The following BRINP1 variants were observed in gnomAD, a reference collection of about 807,000 sequenced individuals.
The protein encoded by BRINP1 is BMP/retinoic acid-inducible neural-specific protein 1.
A neutral mutation model predicts 72.9 loss-of-function variants in BRINP1; 17 were observed. The ratio of observed to expected loss-of-function variants is 0.23; its 90% CI spans 0.16 to 0.35. BRINP1 has a LOEUF of 0.35. BRINP1 is among the 10% of genes least tolerant of loss of function. The pLI is 1.00. For missense variants in BRINP1, 850 were observed against 1,001.6 expected (o/e 0.85, Z 2.04); for synonymous variants, 418 against 378.5 (o/e 1.10, Z -1.21).
In BRINP1 at chr9:119,339,201, T is replaced by G. The variant is rs189904882; in HGVS notation, c.-50-25796A>C. ...TATCTCAATTACTCAGCTCTATCAC[T>G]GTAGCCAGAAAGTAGCCATGGACAA... is the stretch of plus-strand genomic sequence containing the variant. On this transcript the variant is annotated intron_variant, in intron 1 of 7. Coordinates refer to ENST00000265922, the MANE Select transcript of BRINP1 (RefSeq NM_014618.3). Among the ~76,000 whole-genome samples the G allele has an allele frequency of 3.0e-3, 451 of 152,334 alleles. 3 individuals are homozygous for G. Among genetic ancestry groups the G allele is most frequent in the African/African-American group, 0.01 (427 of 41,568 alleles).
chr9:119,330,553 T>C lies in BRINP1; in HGVS notation c.-50-17148A>G, dbSNP rs186842639. Among the ~76,000 whole-genome samples the C allele has an allele frequency of 1.2e-3, 185 of 152,342 alleles. 1 individual carries two copies. The highest frequency in any genetic ancestry group is 3.5e-3 in the South Asian group (17 of 4,830). ...TTTGCTGACATTGTCCATTCTTCTT[T>C]GTGTTTCTATCTCATTCAATGGTTG... On this transcript the variant is annotated intron_variant, in intron 1 of 7. Coordinates refer to ENST00000265922, the MANE Select transcript of BRINP1 (RefSeq NM_014618.3).
At chr9:119,261,879 CCTT>C (rs946652072) in intron 2 of BRINP1, among the ~76,000 whole-genome samples, 1 of 151,328 alleles carries the variant, frequency 6.6e-6, no homozygotes, top group Non-Finnish European at 1.5e-5. Flanking sequence ...TTTCCCTCCT[CCTT>C]CTTCTCTTCC....
chr9:119,211,521 T>G (rs1450230816), intron 6 of BRINP1, among the ~76,000 whole-genome samples: 7 of 152,150 alleles, frequency 4.6e-5, no homozygotes, highest in Non-Finnish European at 8.8e-5. Context: ...AAAGTAGAAG[T>G]ACTACAACGA....
intron 7 of BRINP1, among the ~76,000 whole-genome samples, chr9:119,174,302 C>T (rs1217273946): frequency 4.0e-5 from 6 of 150,858 alleles, no homozygotes; most frequent in South Asian, 2.1e-4. Context: ...AACAAGTGGG[C>T]GAAGGACATG....
chr9:119,167,533 C>G lies in BRINP1; in HGVS notation c.1837G>C (p.Glu613Gln). The change falls in exon 8 of 8, where the codon GAG becomes CAG. Residue 613 changes from glutamate to glutamine, a missense_variant. Glu to Gln is a conservative substitution (Grantham distance 29). Coordinates refer to ENST00000265922, the MANE Select transcript of BRINP1 (RefSeq NM_014618.3). The surrounding 1 kb of genome is among the most constrained non-coding windows in gnomAD (Gnocchi z 4.3). Reference sequence around the variant, plus strand: ...CTACGTAGGTAGATGTGGACCGTCTCGAAAAATGTTTTCCACCGATTGCCC... The same window carrying G: ...CTACGTAGGTAGATGTGGACCGTCTGGAAAAATGTTTTCCACCGATTGCCC... ...LLGNRWKTFFETVHIYLRSRT... is the reference protein window; with the variant it reads ...LLGNRWKTFFQTVHIYLRSRT... The G allele has an allele frequency of 6.2e-7, 1 of 1,614,092 alleles. No homozygotes were observed. The highest frequency in any genetic ancestry group is 8.5e-7 in the Non-Finnish European group (1 of 1,180,018).
chr9:119,351,288 A>G (rs1265911303), intron 1 of BRINP1, among the ~76,000 whole-genome samples: 3 of 152,204 alleles, frequency 2.0e-5, no homozygotes, highest in Admixed American at 2.0e-4. Flanking sequence ...TCACACACAG[A>G]GCTGCCCTGA....
chr9:119,282,096 A>C (rs1830718371), intron 2 of BRINP1, among the ~76,000 whole-genome samples: 1 of 152,228 alleles, frequency 6.6e-6, no homozygotes, highest in African/African-American at 2.4e-5. Context: ...TCCATGAACA[A>C]AGTCTGAAAA....
chr9:119,224,830 G>A (rs989651905), intron 5 of BRINP1, among the ~76,000 whole-genome samples: 34 of 152,130 alleles, frequency 2.2e-4, no homozygotes, highest in African/African-American at 8.2e-4. Context: ...CATGGACAAG[G>A]CCAATGTCAC....
chr9:119,365,203 A>C (rs1831679228), intron 1 of BRINP1, among the ~76,000 whole-genome samples: 1 of 152,238 alleles, frequency 6.6e-6, no homozygotes, highest in African/African-American at 2.4e-5. Context: ...TCTTGAGAAG[A>C]CTTCTTGGAA....
rs190736848 is a variant in BRINP1, at chr9:119,284,102, T to A, written c.218+29036A>T. On this transcript the variant is annotated intron_variant, in intron 2 of 7. Transcript: ENST00000265922. ...CTTTGAAGGGGCCTGCCACCAGTCC[T>A]CTTATTTCTCTCCACTCCCCTCCCA... Among the ~76,000 whole-genome samples the A allele has an allele frequency of 8.1e-4, 124 of 152,308 alleles. 1 individual carries two copies. In the East Asian group the frequency reaches 0.018, roughly 22 times the overall value.
intron 1 of BRINP1, among the ~76,000 whole-genome samples, chr9:119,337,249 A>G (rs1831356020): frequency 6.6e-6 from 1 of 152,224 alleles, no homozygotes; most frequent in African/African-American, 2.4e-5. Flanking sequence ...AAAAACCCAC[A>G]GTCCAGGCAG....
chr9:119,255,838 C>T (rs1330192826), intron 2 of BRINP1, among the ~76,000 whole-genome samples: 1 of 151,586 alleles, frequency 6.6e-6, no homozygotes, highest in Non-Finnish European at 1.5e-5. Context: ...GCCTGTAGTC[C>T]CAGCTACTCA....
chr9:119,166,972 A>T lies in BRINP1; in HGVS notation c.*112T>A. The T allele has an allele frequency of 1.7e-6, 2 of 1,152,320 alleles. No individual in the cohort carries two copies. The highest frequency in any genetic ancestry group is 2.5e-6 in the Non-Finnish European group (2 of 810,236). 71.4% of individuals were successfully genotyped at this position (1,152,320 alleles called of 1,614,324 possible). A position where few individuals can be genotyped will look rare whatever the true frequency, so the allele number is the denominator to read the frequency against. On this transcript the variant is annotated 3_prime_UTR_variant, in exon 8 of 8. Transcript: ENST00000265922. ...ATGAAGATTTTCCTCCTTTTCTTTG[A>T]ATATTAATTACATTTTACAAATTTT...
chr9:119,175,855 T>C (rs762624949), intron 7 of BRINP1, among the ~76,000 whole-genome samples: 1 of 152,156 alleles, frequency 6.6e-6, no homozygotes, highest in Non-Finnish European at 1.5e-5. Context: ...GCACAGGGTA[T>C]ATTCACTCCA....
At chr9:119,331,904 T>C (rs1055575692) in intron 1 of BRINP1, among the ~76,000 whole-genome samples, 5 of 152,204 alleles carry the variant, frequency 3.3e-5, no homozygotes, top group African/African-American at 9.7e-5. Flanking sequence ...AAGAAGTGTA[T>C]AGGGATCTGC....
At chr9:119,226,601 A>G (rs1830094428) in intron 5 of BRINP1, among the ~76,000 whole-genome samples, 1 of 152,034 alleles carries the variant, frequency 6.6e-6, no homozygotes, top group Non-Finnish European at 1.5e-5. Flanking sequence ...TCTGTAGGTC[A>G]GAAGCAGCTC....
intron 7 of BRINP1, among the ~76,000 whole-genome samples, chr9:119,204,175 T>C (rs1382167592): frequency 6.6e-6 from 1 of 152,122 alleles, no homozygotes; most frequent in African/African-American, 2.4e-5. Context: ...AGTGTCATTG[T>C]GGAGATGCAG....
At chr9:119,299,849 C>G (rs929801141) in intron 2 of BRINP1, among the ~76,000 whole-genome samples, 1 of 152,118 alleles carries the variant, frequency 6.6e-6, no homozygotes, top group African/African-American at 2.4e-5. Flanking sequence ...AAATATTTCC[C>G]TGAATATGGA....
intron 7 of BRINP1, among the ~76,000 whole-genome samples, chr9:119,175,282 A>T (rs1564209599): frequency 6.6e-6 from 1 of 151,906 alleles, no homozygotes; most frequent in Non-Finnish European, 1.5e-5. Flanking sequence ...CAGAAAACAA[A>T]ACACTGTATG....
Sources: gnomAD v4.1 joint callset for allele counts (sites outside exome capture counted in the v4.1 genomes callset) on GRCh38, gnomAD v4.1.1 for gene constraint, Gnocchi (gnomAD v3.1) non-coding constraint, MANE v1.5 for transcripts, NCBI Gene and HGNC (gene_info 2026-07-23, HGNC 2026-07-21) for gene names.